EVI5: variants seen among roughly 807,000 people sequenced by gnomAD.
EVI5 encodes the protein ecotropic viral integration site 5 protein homolog.
A neutral mutation model predicts 112.0 loss-of-function variants in EVI5; 73 were observed. That is an observed-to-expected ratio of 0.65 (90% CI 0.54 to 0.79). The LOEUF is 0.79. EVI5 is among the 30% of genes least tolerant of loss of function. The probability of loss-of-function intolerance (pLI) is 0.00; values close to 1 mark genes in which losing one functional copy is unlikely to be tolerated. For synonymous variants in EVI5, 305 were observed against 319.9 expected, an observed-to-expected ratio of 0.95 and a Z score of 0.50; for missense variants, 900 against 968.8, an observed-to-expected ratio of 0.93 and a Z score of 0.94.
chr1:92,548,041 C>A (rs907702621), intron 19 of EVI5, among the ~76,000 whole-genome samples: 3 of 152,086 alleles, frequency 2.0e-5, no homozygotes, highest in African/African-American at 4.8e-5. Context: ...AGAGACACAA[C>A]AAAAAAAGAA....
intron 19 of EVI5, among the ~76,000 whole-genome samples, chr1:92,517,386 T>C (rs1391973739): frequency 1.3e-5 from 2 of 152,192 alleles, no homozygotes; most frequent in Admixed American, 1.3e-4. Context: ...TTGGTATCCA[T>C]AGGGATCCGA....
At chr1:92,716,896 TC>T (rs1299293980) in intron 2 of EVI5, among the ~76,000 whole-genome samples, 1 of 149,462 alleles carries the variant, frequency 6.7e-6, no homozygotes, top group African/African-American at 2.5e-5. Flanking sequence ...TCGCAGCTCC[TC>T]GCCAGCAACG....
intron 1 of EVI5, among the ~76,000 whole-genome samples, chr1:92,754,976 T>C (rs1190027821): frequency 1.3e-5 from 2 of 151,720 alleles, no homozygotes; most frequent in Admixed American, 6.6e-5. Flanking sequence ...AACATACATG[T>C]AAGTATAATG....
At chr1:92,579,183 C>T (rs996946368) in intron 18 of EVI5, among the ~76,000 whole-genome samples, 4 of 152,164 alleles carry the variant, frequency 2.6e-5, no homozygotes, top group Non-Finnish European at 2.9e-5. Flanking sequence ...CAAAGTTTCT[C>T]GTGTATCTTC....
rs57042163 is a variant in EVI5 at position 92,566,803 on chromosome 1, C to CTTTTTT, written c.2071-3072_2071-3067dup. Among the ~76,000 whole-genome samples the CTTTTTT allele has an allele frequency of 8.5e-4, 83 of 97,872 alleles. 2 individuals are homozygous for CTTTTTT. Among genetic ancestry groups the CTTTTTT allele is most frequent in the Admixed American group, 1.4e-3 (11 of 8,082 alleles). 64.2% of individuals were successfully genotyped at this position (97,872 alleles called of 152,430 possible). On this transcript the variant is annotated intron_variant, in intron 18 of 19. Coordinates refer to ENST00000684568, the MANE Select transcript of EVI5 (RefSeq NM_001350197.2). The stretch of plus-strand genomic sequence containing the variant: ...AAGCAGAGAATAATGTGTGTGCCTG[C>CTTTTTT]TTTTTTTTTTTTTTTTTTTTTTTTG...
chr1:92,569,023 GTCAATGTAGTTTAC>G (rs988386701), intron 18 of EVI5, among the ~76,000 whole-genome samples: 32 of 152,290 alleles, frequency 2.1e-4, no homozygotes, highest in African/African-American at 7.7e-4. Flanking sequence ...TTGTTCAGGA[GTCAATGTAGTTTAC>G]TCAAACCATT....
upstream of EVI5, among the ~76,000 whole-genome samples, chr1:92,786,602 G>A (rs1242990299): frequency 6.6e-6 from 1 of 152,082 alleles, no homozygotes; most frequent in African/African-American, 2.4e-5. Context: ...GGGGAGTGGG[G>A]GTGGAGGGAT....
intron 1 of EVI5, among the ~76,000 whole-genome samples, chr1:92,746,699 C>A (rs1011141632): frequency 1.3e-5 from 2 of 152,044 alleles, no homozygotes; most frequent in Non-Finnish European, 2.9e-5. Context: ...TCAAGATCAG[C>A]CTGGGCAATA....
chr1:92,536,003 C>A (rs1341761832), intron 19 of EVI5, among the ~76,000 whole-genome samples: 1 of 152,074 alleles, frequency 6.6e-6, no homozygotes, highest in Non-Finnish European at 1.5e-5. Context: ...GGAGTACTAA[C>A]AATACAAGAC....
In EVI5 at chr1:92,772,323, G is replaced by A. The variant is rs557375128; in HGVS notation, c.-82+12513C>T. On this transcript the variant is annotated intron_variant, in intron 1 of 19. Transcript: ENST00000684568. ...AGATATAAAAAGAAACTGGCCAGGC[G>A]AGGTGGCTCACGCCTGTAATCCCAG... Among the ~76,000 whole-genome samples, 7 of 152,044 alleles carry A rather than the reference G, an allele frequency of 4.6e-5. No individual in the cohort carries two copies. In the East Asian group the frequency reaches 1.2e-3, roughly 25 times the overall value.
chr1:92,753,656 C>T (rs1431459645), intron 1 of EVI5, among the ~76,000 whole-genome samples: 1 of 152,088 alleles, frequency 6.6e-6, no homozygotes, highest in Non-Finnish European at 1.5e-5. Context: ...TCACATGTAG[C>T]TAGGGGCCTC....
intron 19 of EVI5, among the ~76,000 whole-genome samples, chr1:92,524,869 A>G: frequency 6.7e-6 from 1 of 148,760 alleles, no homozygotes; most frequent in Admixed American, 6.9e-5. Context: ...ACTGTGTTCC[A>G]GGCTGGAGTG....
intron 19 of EVI5, among the ~76,000 whole-genome samples, chr1:92,550,959 TA>T (rs994401872): frequency 2.1e-4 from 29 of 140,414 alleles, no homozygotes; most frequent in Non-Finnish European, 4.0e-4. Context: ...AAAAATAAAA[TA>T]AAAAAAACCC....
At chr1:92,788,819 A>T (rs1013826231), upstream of EVI5, among the ~76,000 whole-genome samples, 1 of 152,068 alleles carries the variant, frequency 6.6e-6, no homozygotes, top group South Asian at 2.1e-4. Flanking sequence ...AACAAAAAAA[A>T]CCCCATAAAA....
chr1:92,707,196 A>C (rs1265346106), intron 2 of EVI5, among the ~76,000 whole-genome samples: 3 of 145,762 alleles, frequency 2.1e-5, no homozygotes, highest in African/African-American at 5.1e-5. Flanking sequence ...AAAAAAAAAA[A>C]AAAACACAAG....
intron 16 of EVI5, among the ~76,000 whole-genome samples, chr1:92,607,949 T>C (rs1271436050): frequency 1.3e-5 from 2 of 151,298 alleles, no homozygotes; most frequent in Non-Finnish European, 2.9e-5. Context: ...ATCAAGACCA[T>C]CCCGGCTAAC....
At chr1:92,787,752 A>C (rs189436295), upstream of EVI5, among the ~76,000 whole-genome samples, 1 of 151,752 alleles carries the variant, frequency 6.6e-6, no homozygotes, top group South Asian at 2.1e-4. Flanking sequence ...AAAAAAAAAA[A>C]AGAGAGAGAA....
chr1:92,523,066 A>C (rs549811337), intron 19 of EVI5, among the ~76,000 whole-genome samples: 2 of 152,070 alleles, frequency 1.3e-5, no homozygotes, highest in Admixed American at 1.3e-4. Context: ...GCCTGTGACT[A>C]ACTTTTTTTG....
intron 9 of EVI5, among the ~76,000 whole-genome samples, chr1:92,682,674 A>G (rs974815743): frequency 6.6e-6 from 1 of 152,140 alleles, no homozygotes; most frequent in Non-Finnish European, 1.5e-5. Context: ...CTGAGGCTTG[A>G]ACCTTGGAGG....
Sources: gnomAD v4.1 joint callset for allele counts (sites outside exome capture counted in the v4.1 genomes callset) on GRCh38, gnomAD v4.1.1 for gene constraint, MANE v1.5 for transcripts, NCBI Gene and HGNC (gene_info 2026-07-23, HGNC 2026-07-21) for gene names.